Variants in STARD13 observed in about 807,000 individuals in gnomAD.
The protein encoded by STARD13 is stAR-related lipid transfer protein 13.
In STARD13, 62 loss-of-function variants were observed where a neutral mutation model predicts 106.4. That is an observed-to-expected ratio of 0.58 (90% CI 0.48 to 0.72). The LOEUF is 0.72. Among genes scored for constraint, STARD13 ranks in the 30% least tolerant of loss-of-function variants. The probability of loss-of-function intolerance (pLI) is 0.00; values close to 1 mark genes in which losing one functional copy is unlikely to be tolerated. For synonymous variants in STARD13, 565 were observed against 553.0 expected (o/e 1.02, Z -0.31); for missense variants, 1,387 against 1,424.0 (o/e 0.97, Z 0.42).
At position 33,296,104 on chromosome 13, in the gene STARD13, C is replaced by T. The variant is rs116268700; in HGVS notation, c.124+54186G>A. On this transcript the variant is annotated intron_variant, in intron 1 of 5. Coordinates refer to the STARD13 transcript ENST00000567873. ...GTTAGTTGGGCATGGTGGCTCGTTA[C>T]TGTAATCCCAGCTGCTCACGAGGTT... Among the ~76,000 whole-genome samples, 421 of 152,020 alleles carry T rather than the reference C, an allele frequency of 2.8e-3. 2 individuals are homozygous for T. The highest frequency in any genetic ancestry group is 9.8e-3 in the African/African-American group (405 of 41,486).
At chr13:33,278,662 C>T (rs1891586536) in intron 1 of STARD13, 1 of 152,160 alleles carries the variant, frequency 6.6e-6, no homozygotes, top group Non-Finnish European at 1.5e-5. Flanking sequence ...CCAGGAAAAT[C>T]TTGGCTGGTA....
At chr13:33,342,916 C>T (rs1390588388) in intron 1 of STARD13, among the ~76,000 whole-genome samples, 1 of 152,184 alleles carries the variant, frequency 6.6e-6, no homozygotes. Context: ...ACCAAAGAGC[C>T]CCCCAGGACT....
chr13:33,332,925 GA>G (rs1419723533), intron 1 of STARD13, among the ~76,000 whole-genome samples: 3 of 152,020 alleles, frequency 2.0e-5, no homozygotes, highest in Non-Finnish European at 2.9e-5. Context: ...TAAATTAAGT[GA>G]ATGAGAACCT....
the STARD13 span, among the ~76,000 whole-genome samples, chr13:33,410,439 T>G: frequency 6.6e-6 from 1 of 152,242 alleles, no homozygotes; most frequent in African/African-American, 2.4e-5. Flanking sequence ...GTTAGGATGC[T>G]AAGTGCATTT....
chr13:33,155,495 G>C (rs990211083), intron 3 of STARD13: 4 of 152,012 alleles, frequency 2.6e-5, no homozygotes, highest in African/African-American at 9.7e-5. Context: ...AATATACATA[G>C]AGAAGTGAAT....
the STARD13 span, among the ~76,000 whole-genome samples, chr13:33,621,888 T>A: frequency 6.7e-6 from 1 of 150,282 alleles, no homozygotes; most frequent in Non-Finnish European, 1.5e-5. Flanking sequence ...CACTGCAACC[T>A]CCCCCTCCCG....
At chr13:33,632,486 A>G in the STARD13 span, among the ~76,000 whole-genome samples, 1 of 152,196 alleles carries the variant, frequency 6.6e-6, no homozygotes, top group African/African-American at 2.4e-5. Context: ...TCTATATTGT[A>G]CCTACATGTC....
intron 1 of STARD13, among the ~76,000 whole-genome samples, chr13:33,198,792 A>G (rs1329786605): frequency 6.6e-6 from 1 of 152,184 alleles, no homozygotes; most frequent in African/African-American, 2.4e-5. Flanking sequence ...GGGTTATTGC[A>G]ATGGACCTAT....
the STARD13 span, among the ~76,000 whole-genome samples, chr13:33,641,918 G>A: frequency 6.6e-6 from 1 of 152,188 alleles, no homozygotes; most frequent in Non-Finnish European, 1.5e-5. Context: ...AAAGGAAAAA[G>A]AAATACTGAC....
chr13:33,109,437 A>G (rs1874204105), intron 12 of STARD13, among the ~76,000 whole-genome samples: 2 of 152,212 alleles, frequency 1.3e-5, no homozygotes, highest in South Asian at 4.1e-4. Flanking sequence ...CTGAAGTTAT[A>G]CAGATGAGTT....
chr13:33,524,933 C>T, the STARD13 span, among the ~76,000 whole-genome samples: 1 of 152,172 alleles, frequency 6.6e-6, no homozygotes, highest in Admixed American at 6.5e-5. Flanking sequence ...CCAGGTTGTG[C>T]AGTACATCTC....
the STARD13 span, among the ~76,000 whole-genome samples, chr13:33,360,126 C>G: frequency 6.6e-6 from 1 of 152,182 alleles, no homozygotes; most frequent in Admixed American, 6.5e-5. Context: ...AAGTGTCTTT[C>G]AATTTATGAC....
intron 1 of STARD13, among the ~76,000 whole-genome samples, chr13:33,242,109 C>T (rs931531050): frequency 3.3e-5 from 5 of 151,290 alleles, no homozygotes; most frequent in Non-Finnish European, 5.9e-5. Flanking sequence ...GTCTCTGCCC[C>T]GCCGCCACCC....
chr13:33,361,127 T>A, the STARD13 span, among the ~76,000 whole-genome samples: 2 of 151,430 alleles, frequency 1.3e-5, no homozygotes, highest in Admixed American at 1.3e-4. Flanking sequence ...CAAAAACAGT[T>A]ACACTGAGTG....
At chr13:33,665,012 T>C in the STARD13 span, among the ~76,000 whole-genome samples, 1 of 152,238 alleles carries the variant, frequency 6.6e-6, no homozygotes, top group Non-Finnish European at 1.5e-5. Context: ...TTGTAAACTG[T>C]GTTGCAAACG....
At chr13:33,611,259 G>C in the STARD13 span, 6 of 152,230 alleles carry the variant, frequency 3.9e-5, no homozygotes, top group African/African-American at 1.4e-4. Flanking sequence ...TGCTGGGCCT[G>C]CTGAAAAAGC....
chr13:33,486,224 ATGG>A, the STARD13 span, among the ~76,000 whole-genome samples: 3 of 152,182 alleles, frequency 2.0e-5, no homozygotes, highest in East Asian at 5.8e-4. Flanking sequence ...CTTAACAAGT[ATGG>A]GCTTGTTAAC....
upstream of STARD13, among the ~76,000 whole-genome samples, chr13:33,351,720 G>T (rs938128258): frequency 6.6e-6 from 1 of 152,142 alleles, no homozygotes; most frequent in Admixed American, 6.5e-5. Context: ...CTTTTTAAAT[G>T]TCTTTGTACC....
At chr13:33,186,028 T>C (rs200113292) in intron 1 of STARD13, 6 of 1,613,846 alleles carry the variant, frequency 3.7e-6, no homozygotes, top group Admixed American at 1.7e-5. Flanking sequence ...AGCATGGAGG[T>C]TCAAAGAAAT....
Sources: allele counts gnomAD v4.1 joint callset (sites outside exome capture counted in the v4.1 genomes callset), GRCh38; gene constraint gnomAD v4.1.1; transcripts MANE v1.5; gene names NCBI Gene and HGNC (gene_info 2026-07-23, HGNC 2026-07-21).